SLC24A3: variants seen among roughly 807,000 people sequenced by gnomAD.
SLC24A3 encodes sodium/potassium/calcium exchanger 3.
SLC24A3 carries 28 observed loss-of-function variants against 75.8 expected under a neutral mutation model. The ratio of observed to expected loss-of-function variants is 0.37; its 90% CI spans 0.27 to 0.51. The LOEUF is 0.51. Among genes scored for constraint, SLC24A3 ranks in the 20% least tolerant of loss-of-function variants. The pLI is 0.94. For synonymous variants in SLC24A3, 372 were observed against 334.1 expected (o/e 1.11, Z -1.24); for missense variants, 663 against 847.8 (o/e 0.78, Z 2.71).
At chr20:19,657,247 C>T (rs920492079) in intron 7 of SLC24A3, among the ~76,000 whole-genome samples, 3 of 152,210 alleles carry the variant, frequency 2.0e-5, no homozygotes, top group Non-Finnish European at 4.4e-5. Context: ...TTTGAGTCCT[C>T]AAGGTTAGGT....
intron 2 of SLC24A3, among the ~76,000 whole-genome samples, chr20:19,440,414 T>A (rs1987277815): frequency 6.6e-6 from 1 of 152,206 alleles, no homozygotes; most frequent in Non-Finnish European, 1.5e-5. Context: ...CTGACTGTAG[T>A]AAGTGCCTTA....
intron 15 of SLC24A3, among the ~76,000 whole-genome samples, chr20:19,709,492 C>A (rs533768343): frequency 6.6e-6 from 1 of 152,156 alleles, no homozygotes; most frequent in South Asian, 2.1e-4. Flanking sequence ...CGTGGTGGCA[C>A]ACACCTATAG....
intron 2 of SLC24A3, 134 bp downstream of exon 2, chr20:19,281,221 G>A: frequency 7.5e-7 from 1 of 1,326,734 alleles, no homozygotes. Flanking sequence ...GGGAGTCTAA[G>A]AAACTTTCAG....
chr20:19,293,482 C>T (rs1268321053), intron 2 of SLC24A3, among the ~76,000 whole-genome samples: 2 of 151,852 alleles, frequency 1.3e-5, no homozygotes, highest in African/African-American at 4.8e-5. Flanking sequence ...ATCGTGAAAA[C>T]CCATCTCTAC....
chr20:19,534,824 A>G (rs2122580131), intron 3 of SLC24A3, among the ~76,000 whole-genome samples: 1 of 152,328 alleles, frequency 6.6e-6, no homozygotes, highest in Non-Finnish European at 1.5e-5. Context: ...TTATTTGTAG[A>G]TCTAGACCAG....
At chr20:19,705,420 A>C (rs1235446395) in intron 15 of SLC24A3, among the ~76,000 whole-genome samples, 1 of 152,134 alleles carries the variant, frequency 6.6e-6, no homozygotes, top group Non-Finnish European at 1.5e-5. Context: ...ATCACCATGG[A>C]GCTCATGCCG....
At chr20:19,662,107 CAT>C (rs2032333261) in intron 7 of SLC24A3, among the ~76,000 whole-genome samples, 1 of 152,230 alleles carries the variant, frequency 6.6e-6, no homozygotes. Context: ...GGATGAACCA[CAT>C]GTGGGTCAGA....
intron 1 of SLC24A3, among the ~76,000 whole-genome samples, chr20:19,217,377 A>C (rs1256486527): frequency 1.3e-5 from 2 of 152,230 alleles, no homozygotes; most frequent in East Asian, 1.9e-4. Context: ...GTGAATGTAG[A>C]CATTTCCCAA....
chr20:19,628,271 C>A (rs1317248942), intron 6 of SLC24A3, among the ~76,000 whole-genome samples: 3 of 150,684 alleles, frequency 2.0e-5, no homozygotes, highest in Admixed American at 2.0e-4. Context: ...GAAGTGAGAG[C>A]ACTCATATCA....
intron 8 of SLC24A3, among the ~76,000 whole-genome samples, chr20:19,671,827 C>A (rs1206866232): frequency 6.6e-6 from 1 of 151,668 alleles, no homozygotes. Context: ...GTATTTATAG[C>A]AATAGGTCAG....
intron 2 of SLC24A3, among the ~76,000 whole-genome samples, chr20:19,321,709 A>G (rs891565218): frequency 1.3e-5 from 2 of 152,238 alleles, no homozygotes; most frequent in Non-Finnish European, 2.9e-5. Context: ...AGTTTTGTAT[A>G]GTTACCTTCC....
chr20:19,367,543 C>G (rs1300784575), intron 2 of SLC24A3, among the ~76,000 whole-genome samples: 1 of 151,392 alleles, frequency 6.6e-6, no homozygotes, highest in African/African-American at 2.4e-5. Flanking sequence ...TGTGAGTGTT[C>G]AAGGGCTCTC....
chr20:19,287,449 C>G (rs1983843007), intron 2 of SLC24A3, among the ~76,000 whole-genome samples: 2 of 152,240 alleles, frequency 1.3e-5, no homozygotes, highest in South Asian at 4.1e-4. Context: ...GAACTGCTAG[C>G]TAGTCTCTGC....
rs775872933 is a variant in SLC24A3, at chr20:19,642,547, A to G, written c.613-11515A>G. The stretch of plus-strand genomic sequence containing the variant: ...GAAAATGAAGGAGGTGAGGCTGCAC[A>G]TGGAACCCATTCTCCCTTGTCTCAG... On this transcript the variant is annotated intron_variant, in intron 6 of 16. Coordinates refer to ENST00000328041, the MANE Select transcript of SLC24A3 (RefSeq NM_020689.4). Among the ~76,000 whole-genome samples the G allele has an allele frequency of 1.6e-4, 25 of 152,326 alleles. No individual in the cohort carries two copies. The South Asian group carries it at 1.9e-3, about 11-fold the overall frequency.
At chr20:19,607,155 C>A (rs2031607941) in intron 6 of SLC24A3, among the ~76,000 whole-genome samples, 1 of 152,284 alleles carries the variant, frequency 6.6e-6, no homozygotes, top group East Asian at 1.9e-4. Flanking sequence ...GAAACTGATT[C>A]TTTAGACTCC....
At chr20:19,366,713 GA>G (rs920948989) in intron 2 of SLC24A3, among the ~76,000 whole-genome samples, 14 of 151,098 alleles carry the variant, frequency 9.3e-5, no homozygotes, top group African/African-American at 1.7e-4. Context: ...TAAAAATTAA[GA>G]AAAAAAAATA....
chr20:19,679,999 T>G (rs937488216), intron 9 of SLC24A3, among the ~76,000 whole-genome samples: 3 of 151,096 alleles, frequency 2.0e-5, no homozygotes, highest in African/African-American at 7.3e-5. Flanking sequence ...TTGGCCTCTG[T>G]GTCTGTGTGT....
At chr20:19,487,211 T>C (rs753223757) in intron 2 of SLC24A3, among the ~76,000 whole-genome samples, 2 of 152,174 alleles carry the variant, frequency 1.3e-5, no homozygotes, top group Non-Finnish European at 2.9e-5. Flanking sequence ...TTGATGCCTC[T>C]TGAATTGAAT....
chr20:19,404,390 C>A (rs1250446366), intron 2 of SLC24A3, among the ~76,000 whole-genome samples: 1 of 152,166 alleles, frequency 6.6e-6, no homozygotes, highest in Non-Finnish European at 1.5e-5. Flanking sequence ...CTCCCTTACC[C>A]ACTTGTCATG....
Sources: gnomAD v4.1 joint callset for allele counts (sites outside exome capture counted in the v4.1 genomes callset) on GRCh38, gnomAD v4.1.1 for gene constraint, MANE v1.5 for transcripts, NCBI Gene and HGNC (gene_info 2026-07-23, HGNC 2026-07-21) for gene names.